The following CALD1 variants were observed in gnomAD, a reference collection of about 807,000 sequenced individuals.
CALD1 encodes caldesmon.
A neutral mutation model predicts 99.9 loss-of-function variants in CALD1; 33 were observed. The observed-to-expected ratio is 0.33, with a 90% confidence interval of 0.25 to 0.44. CALD1 has a LOEUF of 0.44. Among genes scored for constraint, CALD1 ranks in the 20% least tolerant of loss-of-function variants. The pLI is 1.00. For synonymous variants in CALD1, 310 were observed against 325.0 expected, an observed-to-expected ratio of 0.95 and a Z score of 0.50; for missense variants, 861 against 962.1, an observed-to-expected ratio of 0.89 and a Z score of 1.39.
At chr7:134,919,039 C>A (rs1345030501) in intron 3 of CALD1, among the ~76,000 whole-genome samples, 1 of 152,118 alleles carries the variant, frequency 6.6e-6, no homozygotes, top group Admixed American at 6.6e-5. Flanking sequence ...ACAAAGTAGT[C>A]ATGTACCATA....
At chr7:134,747,829 G>C (rs751625672) in intron 1 of CALD1, among the ~76,000 whole-genome samples, 3 of 152,244 alleles carry the variant, frequency 2.0e-5, no homozygotes, top group Non-Finnish European at 4.4e-5. Flanking sequence ...CCACCATAGA[G>C]AGTCCCCACT....
intron 3 of CALD1, among the ~76,000 whole-genome samples, chr7:134,868,960 C>G (rs1202345389): frequency 6.6e-6 from 1 of 152,176 alleles, no homozygotes; most frequent in Admixed American, 6.5e-5. Flanking sequence ...CATAAATAGC[C>G]TAGTCAGGTA....
chr7:134,757,550 C>T (rs990172379), intron 1 of CALD1, among the ~76,000 whole-genome samples: 1 of 152,122 alleles, frequency 6.6e-6, no homozygotes, highest in African/African-American at 2.4e-5. Context: ...CAGGGTTTGT[C>T]TTACAAGAGT....
intron 3 of CALD1, among the ~76,000 whole-genome samples, chr7:134,918,081 AT>A (rs1204520129): frequency 6.6e-6 from 1 of 152,210 alleles, no homozygotes; most frequent in Non-Finnish European, 1.5e-5. Context: ...GGCAAGATGA[AT>A]AGATTTTAGT....
the CALD1 span, among the ~76,000 whole-genome samples, chr7:134,728,225 T>G: frequency 3.9e-5 from 6 of 152,100 alleles, no homozygotes; most frequent in African/African-American, 1.2e-4. Context: ...AAGACAAACT[T>G]CAGCTGAATT....
At chr7:134,814,705 T>C (rs1362740078) in intron 1 of CALD1, among the ~76,000 whole-genome samples, 1 of 152,162 alleles carries the variant, frequency 6.6e-6, no homozygotes, top group African/African-American at 2.4e-5. Context: ...AAGTGTTTGC[T>C]GTATCCAGAA....
At chr7:134,861,830 G>C (rs1700237533) in intron 2 of CALD1, among the ~76,000 whole-genome samples, 1 of 152,198 alleles carries the variant, frequency 6.6e-6, no homozygotes, top group African/African-American at 2.4e-5. Context: ...TCCAAGACTA[G>C]AGTTCCTTGC....
the CALD1 span, among the ~76,000 whole-genome samples, chr7:134,720,729 T>C: frequency 7.2e-5 from 11 of 152,234 alleles, no homozygotes; most frequent in African/African-American, 1.2e-4. Flanking sequence ...AGTTGGTCAA[T>C]AGGAAAACAA....
the CALD1 span, among the ~76,000 whole-genome samples, chr7:134,720,179 C>T: frequency 0.012 from 1,508 of 126,230 alleles, 12 homozygotes; most frequent in Non-Finnish European, 0.013. Flanking sequence ...CTGGTTAGCC[C>T]TCCTCTTTTT....
intron 4 of CALD1, among the ~76,000 whole-genome samples, chr7:134,931,590 A>G (rs570315508): frequency 2.8e-4 from 42 of 152,220 alleles, no homozygotes; most frequent in Non-Finnish European, 5.6e-4. Flanking sequence ...GGTCTGAACT[A>G]TGAAATTTGA....
chr7:134,784,524 A>AAACAGCAAAAC (rs1797232763), intron 1 of CALD1, among the ~76,000 whole-genome samples: 1 of 152,220 alleles, frequency 6.6e-6, no homozygotes, highest in Non-Finnish European at 1.5e-5. Context: ...CAGGTGAGTA[A>AAACAGCAAAAC]AGAAGAAACA....
In CALD1 at chr7:134,904,612, G is replaced by A. The variant is rs148170154; in HGVS notation, c.72-24142G>A. 1.6e-3 allele frequency among the ~76,000 whole-genome samples: 242 copies of A among 152,204 alleles called. 5 individuals carry two copies. Among genetic ancestry groups the A allele is most frequent in the African/African-American group, 5.6e-3 (232 of 41,478 alleles). On this transcript the variant is annotated intron_variant, in intron 3 of 14. Transcript: ENST00000361675. ...ATAAATGAAATGCCAGCTGGCTGAAGTTTGTTGGGGCAGGGAGGACAGCTG... is the reference window on the plus strand; with the variant it reads ...ATAAATGAAATGCCAGCTGGCTGAAATTTGTTGGGGCAGGGAGGACAGCTG...
upstream of CALD1, among the ~76,000 whole-genome samples, chr7:134,741,599 C>T (rs916576117): frequency 6.6e-6 from 1 of 152,078 alleles, no homozygotes. Flanking sequence ...ACTCCCTGTA[C>T]AGGGAGTTGC....
At chr7:134,964,415 A>G (rs10260493) in intron 13 of CALD1, among the ~76,000 whole-genome samples, 96,616 of 151,956 alleles carry the variant, frequency 0.64, 31,338 homozygotes, top group Middle Eastern at 0.74. Context: ...GAAGCCACCA[A>G]AGAACACATA....
At chr7:134,712,463 C>A in the CALD1 span, among the ~76,000 whole-genome samples, 4 of 152,170 alleles carry the variant, frequency 2.6e-5, no homozygotes, top group Non-Finnish European at 5.9e-5. Flanking sequence ...CAACTGGATA[C>A]ACGCATTGCA....
intron 2 of CALD1, among the ~76,000 whole-genome samples, chr7:134,864,113 G>A (rs1257516221): frequency 6.6e-6 from 1 of 152,150 alleles, no homozygotes; most frequent in African/African-American, 2.4e-5. Context: ...CACTTTGGGA[G>A]GCCGAGGGGA....
intron 1 of CALD1, among the ~76,000 whole-genome samples, chr7:134,800,932 T>C (rs1554430502): frequency 1.3e-5 from 2 of 152,186 alleles, no homozygotes; most frequent in South Asian, 2.1e-4. Flanking sequence ...TTTTAGACCC[T>C]ATGTAATGTA....
At chr7:134,796,849 G>T (rs1797762128) in intron 1 of CALD1, among the ~76,000 whole-genome samples, 1 of 152,142 alleles carries the variant, frequency 6.6e-6, no homozygotes, top group Non-Finnish European at 1.5e-5. Context: ...GTTTCCCACA[G>T]TGCTGGGATT....
chr7:134,899,741 T>A (rs1443931102), intron 3 of CALD1: 1 of 152,450 alleles, frequency 6.6e-6, no homozygotes, highest in Non-Finnish European at 1.5e-5. Flanking sequence ...CCTCCTGGGC[T>A]CAAGCAATCT....
Sources: allele counts gnomAD v4.1 joint callset (sites outside exome capture counted in the v4.1 genomes callset), GRCh38; gene constraint gnomAD v4.1.1; transcripts MANE v1.5; gene names NCBI Gene and HGNC (gene_info 2026-07-23, HGNC 2026-07-21).